Variants in PCDH15 observed in about 807,000 individuals in gnomAD.
The protein encoded by PCDH15 is protocadherin-15.
A neutral mutation model predicts 178.5 loss-of-function variants in PCDH15; 129 were observed. The ratio of observed to expected loss-of-function variants is 0.72; its 90% CI spans 0.63 to 0.84. The LOEUF (loss-of-function observed/expected upper bound fraction) is 0.84, where lower values mean the gene tolerates loss of function less well. Ranked by LOEUF, PCDH15 falls within the 40% of genes least tolerant of loss-of-function variation. The pLI is 0.00. For synonymous variants in PCDH15, 800 were observed against 732.0 expected, an observed-to-expected ratio of 1.09 and a Z score of -1.50; for missense variants, 2,230 against 2,099.9, an observed-to-expected ratio of 1.06 and a Z score of -1.21.
intron 2 of PCDH15, among the ~76,000 whole-genome samples, chr10:54,569,275 C>T (rs574572214): frequency 1.3e-5 from 2 of 152,138 alleles, no homozygotes; most frequent in South Asian, 4.1e-4. Flanking sequence ...ATATGTAAAG[C>T]AATATTCTTG....
At chr10:54,770,040 C>T (rs77849055) in intron 1 of PCDH15, among the ~76,000 whole-genome samples, 4,155 of 152,122 alleles carry the variant, frequency 0.027, 169 homozygotes, top group African/African-American at 0.093. Flanking sequence ...ATCCTGAACG[C>T]ATTTTAACGG....
intron 1 of PCDH15, among the ~76,000 whole-genome samples, chr10:55,311,267 C>T (rs1451084972): frequency 3.3e-5 from 5 of 152,098 alleles, no homozygotes; most frequent in Non-Finnish European, 7.4e-5. Flanking sequence ...AGCTTATTTA[C>T]GCTTTTATCT....
rs569320545 is a variant in PCDH15, at chr10:53,976,603, C to T, written c.2869-14711G>A. 2.6e-5 allele frequency among the ~76,000 whole-genome samples: 4 copies of T among 152,248 alleles called. No homozygotes were observed. In the South Asian group the frequency reaches 8.3e-4, roughly 32 times the overall value. On this transcript the variant is annotated intron_variant, in intron 21 of 37. Transcript: ENST00000644397. ...CTCTATCACTATTATTTTTATAGCA[C>T]ATATGCTTATGTGAAATTATGTTAC...
At chr10:55,401,698 T>G (rs1838075420) in intron 2 of PCDH15, among the ~76,000 whole-genome samples, 1 of 151,180 alleles carries the variant, frequency 6.6e-6, no homozygotes, top group South Asian at 2.1e-4. Flanking sequence ...TAGATAATGC[T>G]GATTAGGGGA....
At chr10:54,085,690 TC>T (rs1398646691) in intron 16 of PCDH15, among the ~76,000 whole-genome samples, 1 of 152,190 alleles carries the variant, frequency 6.6e-6, no homozygotes, top group Non-Finnish European at 1.5e-5. Flanking sequence ...CAAGGCTTTT[TC>T]TTTAAAGACC....
At chr10:54,071,688 T>G (rs1004716323) in intron 17 of PCDH15, among the ~76,000 whole-genome samples, 1 of 152,122 alleles carries the variant, frequency 6.6e-6, no homozygotes, top group Non-Finnish European at 1.5e-5. Flanking sequence ...CAGAGACTCA[T>G]GGTATGTATA....
chr10:54,571,493 C>A (rs1023359238), intron 2 of PCDH15, among the ~76,000 whole-genome samples: 2 of 152,010 alleles, frequency 1.3e-5, no homozygotes, highest in African/African-American at 2.4e-5. Flanking sequence ...CTTCACAATA[C>A]CCTCATTAGA....
chr10:54,618,379 G>A (rs2093248916), intron 2 of PCDH15, among the ~76,000 whole-genome samples: 1 of 152,134 alleles, frequency 6.6e-6, no homozygotes, highest in South Asian at 2.1e-4. Flanking sequence ...ACCTTATGCT[G>A]GAACATACAT....
chr10:54,050,857 T>C (rs1029071947), intron 18 of PCDH15, among the ~76,000 whole-genome samples: 1 of 152,160 alleles, frequency 6.6e-6, no homozygotes, highest in Non-Finnish European at 1.5e-5. Context: ...AATCCCTACA[T>C]GTCATGGGAG....
intron 2 of PCDH15, among the ~76,000 whole-genome samples, chr10:54,971,970 CTGT>C (rs1838944380): frequency 6.6e-6 from 1 of 152,176 alleles, no homozygotes; most frequent in Admixed American, 6.5e-5. Context: ...AGGCAGGACA[CTGT>C]CGATTCCCTG....
chr10:54,114,780 T>C (rs1414409823), intron 15 of PCDH15, among the ~76,000 whole-genome samples: 7 of 152,052 alleles, frequency 4.6e-5, no homozygotes, highest in African/African-American at 1.7e-4. Context: ...TTTCAGGTAG[T>C]GGAAATAGCA....
chr10:54,375,898 A>ATATAATT (rs1554938299), intron 4 of PCDH15, among the ~76,000 whole-genome samples: 10 of 139,588 alleles, frequency 7.2e-5, no homozygotes, highest in Non-Finnish European at 1.4e-4. Flanking sequence ...TATATATATA[A>ATATAATT]TTTTTTTTCT....
chr10:54,117,068 C>T (rs1315843601), intron 15 of PCDH15, among the ~76,000 whole-genome samples: 1 of 152,136 alleles, frequency 6.6e-6, no homozygotes, highest in Non-Finnish European at 1.5e-5. Context: ...CTGAGGATTG[C>T]CTGTGACTGC....
At chr10:54,358,947 TG>T (rs1945520733) in intron 5 of PCDH15, among the ~76,000 whole-genome samples, 1 of 137,720 alleles carries the variant, frequency 7.3e-6, no homozygotes, top group South Asian at 2.3e-4. Flanking sequence ...CATTCATAGG[TG>T]GGAATTGAAC....
intron 2 of PCDH15, among the ~76,000 whole-genome samples, chr10:54,589,537 T>C (rs1218427395): frequency 6.6e-6 from 1 of 152,236 alleles, no homozygotes; most frequent in African/African-American, 2.4e-5. Context: ...TTGTTAATTT[T>C]ATTGTTTATC....
At chr10:54,598,354 A>T (rs1348494276) in intron 2 of PCDH15, among the ~76,000 whole-genome samples, 2 of 152,184 alleles carry the variant, frequency 1.3e-5, no homozygotes, top group Non-Finnish European at 2.9e-5. Context: ...TATAAAATAA[A>T]GAGAACTAAA....
chr10:55,017,600 T>C (rs1307695720), intron 2 of PCDH15, among the ~76,000 whole-genome samples: 5 of 152,144 alleles, frequency 3.3e-5, no homozygotes, highest in East Asian at 1.9e-4. Flanking sequence ...ACATGTATTA[T>C]TGAATAAGCA....
At chr10:53,852,733 T>C (rs2078467986) in intron 28 of PCDH15, among the ~76,000 whole-genome samples, 1 of 151,610 alleles carries the variant, frequency 6.6e-6, no homozygotes, top group Non-Finnish European at 1.5e-5. Flanking sequence ...CTTTATATTT[T>C]TGCCTAAAAT....
At chr10:53,812,663 G>C (rs180996602) in intron 35 of PCDH15, among the ~76,000 whole-genome samples, 1 of 151,998 alleles carries the variant, frequency 6.6e-6, no homozygotes, top group African/African-American at 2.4e-5. Flanking sequence ...ATGTGAAAAC[G>C]GTTTCTGATA....
Sources: allele counts gnomAD v4.1 joint callset (sites outside exome capture counted in the v4.1 genomes callset), GRCh38; gene constraint gnomAD v4.1.1; transcripts MANE v1.5; gene names NCBI Gene and HGNC (gene_info 2026-07-23, HGNC 2026-07-21).